The following GK variants were observed in gnomAD, a reference collection of about 807,000 sequenced individuals.
The protein encoded by GK is ATP:glycerol 3-phosphotransferase.
Under a neutral mutation model 56.4 loss-of-function variants are expected in GK, and 9 were observed. That is an observed-to-expected ratio of 0.16 (90% CI 0.10 to 0.28). GK has a LOEUF of 0.28. Ranked by LOEUF, GK falls within the 10% of genes least tolerant of loss-of-function variation. GK has a pLI of 1.00. For synonymous variants in GK, 104 were observed against 144.1 expected (o/e 0.72, Z 1.99); for missense variants, 161 against 431.4 (o/e 0.37, Z 5.55).
chrX:30,665,408 G>T, intron 1 of GK, 103 bp from the exon 2 acceptor site: 1 of 530,617 alleles, frequency 1.9e-6, no homozygotes, highest in Non-Finnish European at 3.4e-6. Context: ...TCATCTAATT[G>T]GACTTTTTCT....
At chrX:30,718,985 T>A (rs753322246) in intron 14 of GK, among the ~76,000 whole-genome samples, 1 of 111,464 alleles carries the variant, frequency 9.0e-6, no homozygotes, top group African/African-American at 3.3e-5. Flanking sequence ...AATTTAAGTA[T>A]TAATACGGCT....
intron 12 of GK, 34 bp downstream of exon 12, chrX:30,707,632 G>C: frequency 1.3e-6 from 1 of 776,172 alleles, no homozygotes; most frequent in African/African-American, 2.0e-5. Context: ...TGATTTAAAA[G>C]TCTAAGTTCA....
At chrX:30,694,321 G>T in intron 5 of GK, 79 bp from the exon 6 acceptor site, 3 of 890,069 alleles carry the variant, frequency 3.4e-6, no homozygotes, top group Non-Finnish European at 5.0e-6. Flanking sequence ...TTTGTGATTT[G>T]TTGAGTTCTT....
chrX:30,700,191 G>T (rs1245725101), intron 9 of GK: 2 of 380,272 alleles, frequency 5.3e-6, no homozygotes, highest in Non-Finnish European at 9.1e-6. Flanking sequence ...CTGGCTCCCA[G>T]TCTAACGTTT....
rs759897250 is a variant in GK, at chrX:30,713,798, T to G, written c.976-4740T>G. 8.0e-5 allele frequency among the ~76,000 whole-genome samples: 9 copies of G among 112,081 alleles called. No homozygotes were observed. The East Asian group carries it at 2.5e-3, about 31-fold the overall frequency. ...CCTCTGGCATCCTTGTTCCTCTTCT[T>G]TTTCCAAATACTGTTTCACAAAACA... On this transcript the variant is annotated intron_variant, in intron 13 of 20. Transcript: ENST00000427190.
At chrX:30,708,625 C>T (rs1317759376) in intron 13 of GK, among the ~76,000 whole-genome samples, 2 of 111,429 alleles carry the variant, frequency 1.8e-5, no homozygotes, top group Admixed American at 1.9e-4. Flanking sequence ...TGCCACTTAT[C>T]ACTGGAAACA....
intron 4 of GK, among the ~76,000 whole-genome samples, chrX:30,685,119 AT>A (rs777001727): frequency 6.4e-5 from 7 of 110,000 alleles, no homozygotes; most frequent in Admixed American, 3.8e-4. Flanking sequence ...ACAATAAAGT[AT>A]TTTTTTTCTT....
intron 1 of GK, among the ~76,000 whole-genome samples, chrX:30,660,095 A>G (rs1344198248): frequency 1.8e-5 from 2 of 111,296 alleles, no homozygotes; most frequent in African/African-American, 6.5e-5. Flanking sequence ...TCAGTTTTTA[A>G]TTACTCTCCT....
At chrX:30,682,166 G>C (rs886937694) in intron 4 of GK, among the ~76,000 whole-genome samples, 2 of 111,524 alleles carry the variant, frequency 1.8e-5, no homozygotes, top group Non-Finnish European at 3.8e-5. Flanking sequence ...CCTTGTTTTC[G>C]ACAAAGTGAG....
intron 13 of GK, among the ~76,000 whole-genome samples, chrX:30,711,952 G>C (rs951776557): frequency 6.3e-5 from 7 of 111,574 alleles, no homozygotes; most frequent in Non-Finnish European, 9.4e-5. Flanking sequence ...ACTTAAATGT[G>C]CAGCCCTGAA....
intron 3 of GK, among the ~76,000 whole-genome samples, chrX:30,672,853 C>T (rs752860947): frequency 1.9e-4 from 21 of 111,747 alleles, no homozygotes; most frequent in East Asian, 2.8e-4. Flanking sequence ...TCTCTCTTCC[C>T]ACATGGTATT....
intron 4 of GK, among the ~76,000 whole-genome samples, chrX:30,680,254 C>T (rs1018892152): frequency 2.7e-5 from 3 of 111,637 alleles, no homozygotes; most frequent in Non-Finnish European, 5.6e-5. Context: ...GTATTTTACC[C>T]ATATTATTTA....
In GK at chrX:30,668,095, A is replaced by G; in HGVS notation, c.236A>G (p.Asn79Ser). The G allele has an allele frequency of 9.7e-7, 1 of 1,033,174 alleles. No individual in the cohort carries two copies. The highest frequency in any genetic ancestry group is 1.9e-5 in the South Asian group (1 of 53,402). The allele number at this position is 1,033,174 out of a possible 1,213,427, so 85.1% of individuals were successfully genotyped here. ...EKTCEKLGQL[N>S]IDISNIKAIG... Reference sequence around the variant, plus strand: ...ACATGTGAGAAACTTGGACAGCTCAATATTGATATTTCCAACATAAAAGGT... The same window carrying G: ...ACATGTGAGAAACTTGGACAGCTCAGTATTGATATTTCCAACATAAAAGGT... Residue 79 changes from asparagine (N) to serine (S), a missense_variant, in exon 3 of 21, where the codon AAT becomes AGT. By Grantham distance (46) the Asn-to-Ser change is conservative. Transcript: ENST00000427190.
At chrX:30,699,342 G>A (rs1033815201) in intron 9 of GK, among the ~76,000 whole-genome samples, 8 of 90,488 alleles carry the variant, frequency 8.8e-5, no homozygotes, top group African/African-American at 2.0e-4. Context: ...ACACACATAC[G>A]TTTTATATAT....
At chrX:30,714,744 G>T (rs1425397261) in intron 13 of GK, among the ~76,000 whole-genome samples, 2 of 112,090 alleles carry the variant, frequency 1.8e-5, no homozygotes, top group Admixed American at 9.4e-5. Context: ...ACATCAGGAG[G>T]CAGGGATCAT....
intron 5 of GK, among the ~76,000 whole-genome samples, chrX:30,693,281 GC>G (rs1184484986): frequency 1.8e-5 from 2 of 110,659 alleles, no homozygotes; most frequent in African/African-American, 6.6e-5. Flanking sequence ...CTCCCAAAGT[GC>G]TGGGATTACA....
chrX:30,694,495 A>G lies in GK; in HGVS notation c.510A>G (p.Glu170=). ...NVRKVQKAVE[E]KRALFGTIDS... is the part of the protein sequence containing the mutation. ...GAAAAGTTCAAAAGGCCGTTGAAGA[A>G]AAACGAGCTCTTTTTGGGACTATTG... is the stretch of plus-strand genomic sequence containing the variant. Residue 170 remains glutamate, a synonymous_variant, in exon 6 of 21, where the codon GAA becomes GAG. Coordinates refer to ENST00000427190, the MANE Select transcript of GK (RefSeq NM_001205019.2). The G allele has an allele frequency of 8.3e-7, 1 of 1,207,435 alleles. No homozygotes were observed. The highest frequency in any genetic ancestry group is 1.1e-6 in the Non-Finnish European group (1 of 891,340).
At chrX:30,713,158 T>TA (rs1426607658) in intron 13 of GK, among the ~76,000 whole-genome samples, 1 of 111,767 alleles carries the variant, frequency 8.9e-6, no homozygotes, top group Non-Finnish European at 1.9e-5. Context: ...CTAGCATCCC[T>TA]ACACAAGTAA....
intron 13 of GK, among the ~76,000 whole-genome samples, chrX:30,716,648 C>T (rs1397232746): frequency 8.9e-6 from 1 of 111,990 alleles, no homozygotes; most frequent in East Asian, 2.8e-4. Flanking sequence ...TATTTGGCAG[C>T]TGCTATCTCT....
Sources: allele counts gnomAD v4.1 joint callset (sites outside exome capture counted in the v4.1 genomes callset), GRCh38; gene constraint gnomAD v4.1.1; transcripts MANE v1.5; gene names NCBI Gene and HGNC (gene_info 2026-07-23, HGNC 2026-07-21).